Variants in DIAPH2 observed in about 807,000 individuals in gnomAD.
The protein encoded by DIAPH2 is diaphanous related formin 2.
In DIAPH2, 35 loss-of-function variants were observed where a neutral mutation model predicts 92.7. The ratio of observed to expected loss-of-function variants is 0.38; its 90% CI spans 0.29 to 0.50. DIAPH2 has a LOEUF of 0.50. DIAPH2 is among the 20% of genes least tolerant of loss of function. The pLI, the probability that DIAPH2 is intolerant of heterozygous loss-of-function variation, is 0.94. For synonymous variants in DIAPH2, 301 were observed against 280.4 expected, an observed-to-expected ratio of 1.07 and a Z score of -0.73; for missense variants, 701 against 819.5, an observed-to-expected ratio of 0.86 and a Z score of 1.77.
At chrX:97,473,322 A>T (rs1362238712) in intron 26 of DIAPH2, among the ~76,000 whole-genome samples, 3 of 111,332 alleles carry the variant, frequency 2.7e-5, no homozygotes, top group African/African-American at 9.8e-5. Flanking sequence ...TTTCTTTTTT[A>T]AAAAATTAAT....
At chrX:97,382,502 G>A (rs751055418) in intron 24 of DIAPH2, among the ~76,000 whole-genome samples, 2 of 112,123 alleles carry the variant, frequency 1.8e-5, no homozygotes, top group African/African-American at 6.5e-5. Flanking sequence ...CAACGCATAG[G>A]ACAGCTCCTA....
intron 26 of DIAPH2, among the ~76,000 whole-genome samples, chrX:97,441,713 C>T (rs58019831): frequency 1.8e-5 from 2 of 112,246 alleles, no homozygotes; most frequent in Non-Finnish European, 3.8e-5. Flanking sequence ...CTACTGGAGG[C>T]TGAGGCAGGA....
At chrX:96,811,536 G>C (rs1223083578) in intron 4 of DIAPH2, among the ~76,000 whole-genome samples, 2 of 111,281 alleles carry the variant, frequency 1.8e-5, no homozygotes, top group Admixed American at 9.6e-5. Flanking sequence ...TTGTTGTCCT[G>C]GCCAGAACTT....
chrX:97,300,567 C>A (rs1327388685), intron 23 of DIAPH2, among the ~76,000 whole-genome samples: 2 of 106,123 alleles, frequency 1.9e-5, no homozygotes, highest in African/African-American at 6.9e-5. Flanking sequence ...CTTTCCAAGT[C>A]CAAAGTGACT....
intron 4 of DIAPH2, among the ~76,000 whole-genome samples, chrX:96,799,378 A>T (rs1449728987): frequency 1.8e-5 from 2 of 112,376 alleles, no homozygotes; most frequent in African/African-American, 6.5e-5. Flanking sequence ...GTCTAGTACC[A>T]GTTACTTCTT....
chrX:97,279,310 CTT>C (rs1256593896), intron 23 of DIAPH2, among the ~76,000 whole-genome samples: 11 of 94,258 alleles, frequency 1.2e-4, no homozygotes, highest in Admixed American at 1.2e-4. Flanking sequence ...TTTTTTGAGA[CTT>C]TTTTTTTTTT....
At chrX:96,962,704 A>G (rs959442135) in intron 16 of DIAPH2, among the ~76,000 whole-genome samples, 5 of 107,872 alleles carry the variant, frequency 4.6e-5, no homozygotes, top group Non-Finnish European at 9.6e-5. Flanking sequence ...GTTTTTTAGT[A>G]CATTCAGCCA....
At chrX:97,585,842 T>A (rs981055928) in intron 26 of DIAPH2, among the ~76,000 whole-genome samples, 1 of 112,039 alleles carries the variant, frequency 8.9e-6, no homozygotes, top group African/African-American at 3.2e-5. Context: ...CTAAATCTGA[T>A]AGTTTGTCTT....
chrX:97,120,547 T>C (rs1388089031), intron 21 of DIAPH2, among the ~76,000 whole-genome samples: 1 of 108,861 alleles, frequency 9.2e-6, no homozygotes, highest in East Asian at 2.9e-4. Context: ...TAGTCCTGCT[T>C]CCCGTCTGCC....
intron 1 of DIAPH2, among the ~76,000 whole-genome samples, chrX:96,687,511 C>T (rs2063777620): frequency 9.2e-6 from 1 of 108,899 alleles, no homozygotes; most frequent in Non-Finnish European, 1.9e-5. Flanking sequence ...GCGATCTTGG[C>T]TCACTGCAAC....
chrX:96,732,772 C>T (rs780244006), intron 1 of DIAPH2, among the ~76,000 whole-genome samples: 3 of 112,174 alleles, frequency 2.7e-5, no homozygotes, highest in Non-Finnish European at 5.6e-5. Flanking sequence ...TTTGGTTTAT[C>T]AACAACTAAA....
At chrX:97,145,316 A>AGTG (rs1555990386) in intron 22 of DIAPH2, among the ~76,000 whole-genome samples, 1 of 107,108 alleles carries the variant, frequency 9.3e-6, no homozygotes, top group African/African-American at 3.4e-5. Flanking sequence ...TAGTAGTAGT[A>AGTG]GTAGTAGTGG....
intron 17 of DIAPH2, among the ~76,000 whole-genome samples, chrX:96,970,716 T>C (rs980978572): frequency 8.1e-5 from 9 of 111,446 alleles, no homozygotes; most frequent in African/African-American, 2.9e-4. Context: ...ATTCTTTGTG[T>C]GGATTTTTGG....
At chrX:97,350,434 A>G (rs1449859048) in intron 24 of DIAPH2, among the ~76,000 whole-genome samples, 3 of 111,564 alleles carry the variant, frequency 2.7e-5, no homozygotes, top group Non-Finnish European at 5.6e-5. Flanking sequence ...AGAGTAGTAG[A>G]TGGTGTACTT....
chrX:97,057,383 A>T (rs1217927879), intron 17 of DIAPH2, among the ~76,000 whole-genome samples: 1 of 111,549 alleles, frequency 9.0e-6, no homozygotes, highest in Non-Finnish European at 1.9e-5. Flanking sequence ...TTTTTCACTA[A>T]AAGGACCCAG....
chrX:97,244,798 G>A (rs1326340923), intron 22 of DIAPH2, among the ~76,000 whole-genome samples: 3 of 112,079 alleles, frequency 2.7e-5, no homozygotes, highest in Middle Eastern at 4.6e-3. Context: ...ATATAGCAAA[G>A]TTAGCTCTCA....
intron 26 of DIAPH2, among the ~76,000 whole-genome samples, chrX:97,554,043 A>G (rs957230698): frequency 1.8e-5 from 2 of 111,663 alleles, no homozygotes; most frequent in African/African-American, 6.5e-5. Flanking sequence ...CATAATATGT[A>G]TACATATTCA....
chrX:97,223,584 ACCTTTTATACTT>A (rs1187472956), intron 22 of DIAPH2, among the ~76,000 whole-genome samples: 12 of 111,381 alleles, frequency 1.1e-4, no homozygotes, highest in Non-Finnish European at 2.3e-4. Context: ...CATTTTTCAT[ACCTTTTATACTT>A]CCTGTCTCTA....
chrX:97,295,573 T>C (rs1008174356), intron 23 of DIAPH2, among the ~76,000 whole-genome samples: 7 of 111,418 alleles, frequency 6.3e-5, no homozygotes, highest in African/African-American at 2.3e-4. Context: ...CATTTTACAG[T>C]TGGATCAACT....
Sources: gnomAD v4.1 joint callset for allele counts (sites outside exome capture counted in the v4.1 genomes callset) on GRCh38, gnomAD v4.1.1 for gene constraint, MANE v1.5 for transcripts, NCBI Gene and HGNC (gene_info 2026-07-23, HGNC 2026-07-21) for gene names.